KLHL26: variants seen among roughly 807,000 people sequenced by gnomAD.
The protein encoded by KLHL26 is kelch like family member 26, also known as kelch-like protein 26.
Under a neutral mutation model 7.1 loss-of-function variants are expected in KLHL26, and 4 were observed. The observed-to-expected ratio is 0.56, with a 90% CI of 0.28 to 1.28. The LOEUF (loss-of-function observed/expected upper bound fraction) is 1.28. Among genes scored for constraint, KLHL26 ranks in the 50% most tolerant of loss-of-function variants. KLHL26 has a pLI of 0.11. For missense variants in KLHL26, 896 were observed against 924.6 expected (o/e 0.97, Z 0.40); for synonymous variants, 465 against 414.1 (o/e 1.12, Z -1.49).
intron 1 of KLHL26, among the ~76,000 whole-genome samples, chr19:18,661,350 GTCATCA>G (rs1270273778): frequency 8.5e-5 from 13 of 152,264 alleles, no homozygotes; most frequent in African/African-American, 3.1e-4. Flanking sequence ...CTGTTCCTCA[GTCATCA>G]GAGTAGCAGG....
At position 18,669,394 on chromosome 19, in the gene KLHL26, GTCCC is replaced by G. The variant is rs1324015230; in HGVS notation, c.*161_*164del. The G allele has an allele frequency of 2.2e-5, 14 of 629,226 alleles. No individual in the cohort carries two copies. The East Asian group carries it at 3.0e-4, about 14-fold the overall frequency. 39.0% of individuals were successfully genotyped at this position (629,226 alleles called of 1,614,324 possible). On this transcript the variant is annotated 3_prime_UTR_variant, in exon 3 of 3. Coordinates refer to ENST00000300976, the MANE Select transcript of KLHL26 (RefSeq NM_018316.3). ...GCGTTGATAAGCCCCCCTCCCAGGG[GTCCC>G]TCCCTCCCTCCTTCCCAAAGCAGAT... is the stretch of plus-strand genomic sequence containing the variant.
chr19:18,664,168 T>G, intron 1 of KLHL26, 93 bp from the exon 2 acceptor site: 1 of 1,230,842 alleles, frequency 8.1e-7, no homozygotes, highest in African/African-American at 1.5e-5. Flanking sequence ...GTGCGGCCTT[T>G]TGTGTCTGGC....
chr19:18,651,103 G>A (rs2052250560), intron 1 of KLHL26, among the ~76,000 whole-genome samples: 1 of 152,180 alleles, frequency 6.6e-6, no homozygotes, highest in Non-Finnish European at 1.5e-5. Flanking sequence ...TTTAAAAAGT[G>A]CAAGGAGACA....
At chr19:18,667,511 A>G (rs1217774610) in intron 2 of KLHL26, 153 bp from the exon 3 acceptor site, 5 of 1,349,182 alleles carry the variant, frequency 3.7e-6, no homozygotes, top group Non-Finnish European at 2.0e-6. Flanking sequence ...GCCCCTTTGC[A>G]TGTTTTTAAT....
At chr19:18,665,589 T>C (rs1287877080) in intron 2 of KLHL26, among the ~76,000 whole-genome samples, 1 of 152,178 alleles carries the variant, frequency 6.6e-6, no homozygotes, top group African/African-American at 2.4e-5. Flanking sequence ...CCTCCCTGTC[T>C]CCCTGAGCTG....
At position 18,649,350 on chromosome 19, in the gene KLHL26, C is replaced by G. The variant is rs1976860511; in HGVS notation, c.83+12213C>G. ...CACCCCGAACAGTCTTCGATGCATA[C>G]CAGAGGGGAAGCCTCCTGGCATAGC... On this transcript the variant is annotated intron_variant, in intron 1 of 2. Coordinates refer to ENST00000300976, the MANE Select transcript of KLHL26 (RefSeq NM_018316.3). This position sits in a 1 kb window ranked among gnomAD's most constrained non-coding sequence, Gnocchi z 4.0. Among the ~76,000 whole-genome samples the G allele has an allele frequency of 6.6e-6, 1 of 152,156 alleles. No homozygotes were observed. The highest frequency in any genetic ancestry group is 1.9e-4 in the East Asian group (1 of 5,186).
rs1425337501 is a variant in KLHL26, at chr19:18,650,171, G to T, written c.83+13034G>T. The stretch of plus-strand genomic sequence containing the variant: ...GCCACAACTGTGAAATTCCACAGGG[G>T]TCAAAGACGGACCCGGGCGGGAGCG... On this transcript the variant is annotated intron_variant, in intron 1 of 2. Coordinates refer to ENST00000300976, the MANE Select transcript of KLHL26 (RefSeq NM_018316.3). This position sits in a 1 kb window ranked among gnomAD's most constrained non-coding sequence, Gnocchi z 4.2. Among the ~76,000 whole-genome samples the T allele has an allele frequency of 6.6e-6, 1 of 152,174 alleles. No individual in the cohort carries two copies. The highest frequency in any genetic ancestry group is 1.9e-4 in the East Asian group (1 of 5,198).
intron 1 of KLHL26, among the ~76,000 whole-genome samples, chr19:18,663,307 T>C (rs977069941): frequency 6.6e-6 from 1 of 152,154 alleles, no homozygotes; most frequent in African/African-American, 2.4e-5. Flanking sequence ...CACTCACCCT[T>C]TCCCAAGGGT....
intron 1 of KLHL26, among the ~76,000 whole-genome samples, chr19:18,655,431 G>T (rs1316226333): frequency 6.6e-6 from 1 of 152,208 alleles, no homozygotes; most frequent in Non-Finnish European, 1.5e-5. Flanking sequence ...GCTGAGGAAG[G>T]CCTCCTTTGG....
chr19:18,643,512 C>T (rs773040728), intron 1 of KLHL26, among the ~76,000 whole-genome samples: 2 of 151,466 alleles, frequency 1.3e-5, no homozygotes, highest in Admixed American at 6.6e-5. Context: ...GAGTTTTGCT[C>T]TTGTTGTCCA....
chr19:18,655,101 G>A (rs2052316333), intron 1 of KLHL26, among the ~76,000 whole-genome samples: 1 of 152,010 alleles, frequency 6.6e-6, no homozygotes, highest in Non-Finnish European at 1.5e-5. Context: ...GAGGTGGGGT[G>A]GCTGATGAGC....
At chr19:18,657,295 G>A (rs2052344690) in intron 1 of KLHL26, among the ~76,000 whole-genome samples, 1 of 143,672 alleles carries the variant, frequency 7.0e-6, no homozygotes, top group South Asian at 2.3e-4. Context: ...GAAGGTATCA[G>A]TGTGGTTGGA....
chr19:18,640,089 G>T (rs985993262), intron 1 of KLHL26, among the ~76,000 whole-genome samples: 3 of 151,528 alleles, frequency 2.0e-5, no homozygotes, highest in Non-Finnish European at 4.4e-5. Context: ...TTAACTGGTT[G>T]ATGGACTGTT....
At chr19:18,638,567 AT>A (rs1294017382) in intron 1 of KLHL26, among the ~76,000 whole-genome samples, 3 of 152,190 alleles carry the variant, frequency 2.0e-5, no homozygotes, top group Admixed American at 2.0e-4. Flanking sequence ...TTTCAGAGAT[AT>A]TCAGGGAGTG....
chr19:18,666,917 A>C (rs1380066303), intron 2 of KLHL26, among the ~76,000 whole-genome samples: 1 of 152,136 alleles, frequency 6.6e-6, no homozygotes, highest in Admixed American at 6.5e-5. Context: ...GGGGCTGCAG[A>C]TCTGTCCCCA....
In KLHL26 at chr19:18,656,932, C is replaced by T. The variant is rs534870518; in HGVS notation, c.84-7329C>T. Reference sequence around the variant, plus strand: ...GCCCCTGAGCTGCAGTCTCTGTCTCCCTGTCTCTGAGTCTCTGTCCCTCTC... The same window carrying T: ...GCCCCTGAGCTGCAGTCTCTGTCTCTCTGTCTCTGAGTCTCTGTCCCTCTC... On this transcript the variant is annotated intron_variant, in intron 1 of 2. Coordinates refer to ENST00000300976, the MANE Select transcript of KLHL26 (RefSeq NM_018316.3). The surrounding 1 kb of genome is among the most constrained non-coding windows in gnomAD (Gnocchi z 4.4). Among the ~76,000 whole-genome samples, 21 of 152,208 alleles carry T rather than the reference C, an allele frequency of 1.4e-4. No individual in the cohort carries two copies. Among genetic ancestry groups the T allele is most frequent in the Admixed American group, 8.5e-4 (13 of 15,300 alleles).
In KLHL26 at chr19:18,637,117, G is replaced by T; in HGVS notation, c.63G>T (p.Pro21=). ...AGGGGAFGAG[P]GPERPNSTAD... is the part of the protein sequence containing the mutation. ...GCGGCGGCGCTTTCGGCGCGGGCCCGGGCCCCGAGCGCCCGAACAGGTGAG... is the reference window on the plus strand; with the variant it reads ...GCGGCGGCGCTTTCGGCGCGGGCCCTGGCCCCGAGCGCCCGAACAGGTGAG... Residue 21 remains proline (P), a synonymous_variant, in exon 1 of 3, where the codon CCG becomes CCT. Transcript: ENST00000300976. 7.4e-7 allele frequency: 1 copy of T among 1,360,004 alleles called. No homozygotes were observed. 84.2% of individuals were successfully genotyped at this position (1,360,004 alleles called of 1,614,324 possible).
At chr19:18,645,068 T>C (rs1715471270) in intron 1 of KLHL26, among the ~76,000 whole-genome samples, 1 of 152,034 alleles carries the variant, frequency 6.6e-6, no homozygotes, top group Non-Finnish European at 1.5e-5. Flanking sequence ...CTAGTAGAGG[T>C]GGTCATTAAT....
chr19:18,671,614 GCCCCCTGCCCCTCCCTCAGCCTC>G lies in KLHL26; in HGVS notation c.*2375_*2397del, dbSNP rs2052525319. 6.6e-6 allele frequency: 1 copy of G among 152,274 alleles called. No individual in the cohort carries two copies. Among genetic ancestry groups the G allele is most frequent in the African/African-American group, 2.4e-5 (1 of 41,444 alleles). The allele number at this position is 152,274 out of a possible 1,614,324, so 9.4% of individuals were successfully genotyped here. Reference sequence around the variant, plus strand: ...GGCCGGTTCGTGGAATGTTCGTGGGGCCCCCTGCCCCTCCCTCAGCCTCCCCCCGCATCCCCCCAAGAAAGGAA... The same window carrying G: ...GGCCGGTTCGTGGAATGTTCGTGGGGCCCCCGCATCCCCCCAAGAAAGGAA... On this transcript the variant is annotated 3_prime_UTR_variant, in exon 3 of 3. Transcript: ENST00000300976.
Sources: gnomAD v4.1 joint callset for allele counts (sites outside exome capture counted in the v4.1 genomes callset) on GRCh38, gnomAD v4.1.1 for gene constraint, Gnocchi (gnomAD v3.1) non-coding constraint, MANE v1.5 for transcripts, NCBI Gene and HGNC (gene_info 2026-07-23, HGNC 2026-07-21) for gene names.